ATP2B2: variants seen among roughly 807,000 people sequenced by gnomAD.
ATP2B2 encodes ATPase plasma membrane Ca2+ transporting 2.
In ATP2B2, 15 loss-of-function variants were observed where a neutral mutation model predicts 120.0. That is an observed-to-expected ratio of 0.12 (90% confidence interval 0.08 to 0.19). ATP2B2 has a LOEUF of 0.19. ATP2B2 is among the 10% of genes least tolerant of loss of function. The probability of loss-of-function intolerance (pLI) is 1.00; values close to 1 mark genes in which losing one functional copy is unlikely to be tolerated. For missense variants in ATP2B2, 1,045 were observed against 1,719.8 expected (o/e 0.61, Z 6.94); for synonymous variants, 694 against 700.3 (o/e 0.99, Z 0.14).
In ATP2B2 at chr3:10,358,808, G is replaced by A. The variant is rs777328673; in HGVS notation, c.2019C>T (p.Cys673=). Residue 673 remains cysteine (C), a synonymous_variant, in exon 14 of 23, where the codon TGC becomes TGT. Transcript: ENST00000360273. ...PMACDGLRTI[C]VAYRDFPSSP... is the part of the protein sequence containing the mutation. ...TGCTGGGGAAGTCGCGGTAGGCCACGCAGATAGTGCGGAGCCCATCGCAAG... is the reference window on the plus strand; with the variant it reads ...TGCTGGGGAAGTCGCGGTAGGCCACACAGATAGTGCGGAGCCCATCGCAAG... The A allele has an allele frequency of 3.0e-5, 48 of 1,614,220 alleles. No homozygotes were observed. The Middle Eastern group carries it at 5.3e-3, about 178-fold the overall frequency.
chr3:10,351,811 C>T (rs1217416347), intron 14 of ATP2B2, among the ~76,000 whole-genome samples: 2 of 152,196 alleles, frequency 1.3e-5, no homozygotes, highest in African/African-American at 4.8e-5. Flanking sequence ...CGGGGTGCTG[C>T]TTCTACACTC....
intron 2 of ATP2B2, among the ~76,000 whole-genome samples, chr3:10,602,290 G>T (rs188382844): frequency 3.0e-4 from 46 of 152,262 alleles, no homozygotes; most frequent in African/African-American, 1.1e-3. Context: ...CTCACATCCC[G>T]GGACTTTCCC....
intron 1 of ATP2B2, among the ~76,000 whole-genome samples, chr3:10,463,598 G>C (rs1481374186): frequency 6.6e-6 from 1 of 152,230 alleles, no homozygotes; most frequent in Non-Finnish European, 1.5e-5. Flanking sequence ...GTAATTGTTG[G>C]ATTGGAGCCC....
At chr3:10,377,178 G>A (rs1189350567) in intron 10 of ATP2B2, among the ~76,000 whole-genome samples, 1 of 152,198 alleles carries the variant, frequency 6.6e-6, no homozygotes, top group African/African-American at 2.4e-5. Flanking sequence ...GGCCCTGTCA[G>A]TGCCATGTTT....
chr3:10,450,267 C>T (rs2063989623), intron 1 of ATP2B2, among the ~76,000 whole-genome samples: 1 of 152,146 alleles, frequency 6.6e-6, no homozygotes, highest in Non-Finnish European at 1.5e-5. Context: ...CTCCCCACCC[C>T]TTTCCCTCAA....
Position 10,375,671 on chromosome 3 carries a change from G to C in ATP2B2, c.1202-27C>G, listed in dbSNP as rs749204207. ...TGCAATGTGAGGGACACATGCTTGGGGGGTTCCAGGAAGTGGAGGCTGGGG... is the reference window on the plus strand; with the variant it reads ...TGCAATGTGAGGGACACATGCTTGGCGGGTTCCAGGAAGTGGAGGCTGGGG... On this transcript the variant is annotated intron_variant, in intron 10 of 22. Coordinates refer to ENST00000360273, the MANE Select transcript of ATP2B2 (RefSeq NM_001001331.4). The surrounding 1 kb of genome is among the most constrained non-coding windows in gnomAD (Gnocchi z 4.2). The C allele has an allele frequency of 6.2e-7, 1 of 1,605,178 alleles. No individual in the cohort carries two copies. Among genetic ancestry groups the C allele is most frequent in the Non-Finnish European group, 8.5e-7 (1 of 1,173,056 alleles).
At chr3:10,486,664 G>A (rs1018134687) in intron 1 of ATP2B2, among the ~76,000 whole-genome samples, 11 of 151,980 alleles carry the variant, frequency 7.2e-5, no homozygotes, top group African/African-American at 1.2e-4. Context: ...GAGCCCCTTC[G>A]ATTCTCACTA....
intron 1 of ATP2B2, among the ~76,000 whole-genome samples, chr3:10,492,371 C>G (rs1022503412): frequency 4.5e-4 from 69 of 152,296 alleles, no homozygotes; most frequent in Admixed American, 4.4e-3. Context: ...TCATTAAGGG[C>G]TCTTTAAGCT....
At chr3:10,612,628 A>G (rs1462002313) in intron 2 of ATP2B2, among the ~76,000 whole-genome samples, 1 of 152,094 alleles carries the variant, frequency 6.6e-6, no homozygotes, top group Non-Finnish European at 1.5e-5. Flanking sequence ...AATACGATCT[A>G]TATACTGATA....
chr3:10,484,331 C>T (rs1005418622), intron 1 of ATP2B2, among the ~76,000 whole-genome samples: 2 of 152,148 alleles, frequency 1.3e-5, no homozygotes, highest in Non-Finnish European at 2.9e-5. Context: ...TCCCTGCTGG[C>T]CACTGTCTGC....
chr3:10,609,199 G>C (rs1029871113), intron 2 of ATP2B2, among the ~76,000 whole-genome samples: 55 of 151,852 alleles, frequency 3.6e-4, no homozygotes, highest in African/African-American at 1.2e-3. Flanking sequence ...TACCCTCCTG[G>C]GTGTGTACCA....
intron 2 of ATP2B2, among the ~76,000 whole-genome samples, chr3:10,615,631 G>C (rs2069364470): frequency 6.6e-6 from 1 of 152,144 alleles, no homozygotes; most frequent in South Asian, 2.1e-4. Context: ...GTGAAGCTTT[G>C]TTTCTGCTAA....
At chr3:10,692,747 T>C (rs573695293) in intron 1 of ATP2B2, among the ~76,000 whole-genome samples, 13 of 152,286 alleles carry the variant, frequency 8.5e-5, no homozygotes, top group African/African-American at 3.1e-4. Flanking sequence ...AGGACAGCAT[T>C]AGGCCTGGTT....
intron 1 of ATP2B2, among the ~76,000 whole-genome samples, chr3:10,501,334 T>A (rs2066380764): frequency 6.7e-6 from 1 of 150,184 alleles, no homozygotes; most frequent in African/African-American, 2.4e-5. Context: ...CAGCAGGAGG[T>A]CCCAGGAGTT....
intron 1 of ATP2B2, among the ~76,000 whole-genome samples, chr3:10,679,585 G>A (rs112125551): frequency 9.2e-5 from 14 of 152,338 alleles, no homozygotes; most frequent in South Asian, 4.1e-4. Flanking sequence ...AGTTGGAGCA[G>A]GAGGGAAACT....
chr3:10,336,406 A>G, intron 22 of ATP2B2: 1 of 1,136,042 alleles, frequency 8.8e-7, no homozygotes, highest in Non-Finnish European at 1.2e-6. Flanking sequence ...GGCAACAACG[A>G]CAATGTCACT....
intron 1 of ATP2B2, among the ~76,000 whole-genome samples, chr3:10,482,532 G>C (rs1559392889): frequency 6.6e-6 from 1 of 152,218 alleles, no homozygotes; most frequent in South Asian, 2.1e-4. Context: ...GAGAAGGGGA[G>C]AGAGGGCAGT....
chr3:10,605,955 A>T (rs2069053657), intron 2 of ATP2B2, among the ~76,000 whole-genome samples: 1 of 150,942 alleles, frequency 6.6e-6, no homozygotes, highest in Admixed American at 6.6e-5. Context: ...AGCCCTCTAC[A>T]TTTTTTTTTA....
At chr3:10,498,561 A>G (rs761676382) in intron 1 of ATP2B2, among the ~76,000 whole-genome samples, 1 of 152,250 alleles carries the variant, frequency 6.6e-6, no homozygotes, top group African/African-American at 2.4e-5. Flanking sequence ...GAGCTGGGCT[A>G]GAATGAGTTC....
Sources: gnomAD v4.1 joint callset for allele counts (sites outside exome capture counted in the v4.1 genomes callset) on GRCh38, gnomAD v4.1.1 for gene constraint, Gnocchi (gnomAD v3.1) non-coding constraint, MANE v1.5 for transcripts, NCBI Gene and HGNC (gene_info 2026-07-23, HGNC 2026-07-21) for gene names.